Variants in GABRB1 observed in about 807,000 individuals in gnomAD.
GABRB1 encodes gamma-aminobutyric acid type A receptor subunit beta1.
GABRB1 carries 17 observed loss-of-function variants against 51.6 expected under a neutral mutation model. The ratio of observed to expected loss-of-function variants is 0.33; its 90% confidence interval spans 0.23 to 0.49. The LOEUF is 0.49. Ranked by LOEUF, GABRB1 falls within the 20% of genes least tolerant of loss-of-function variation. The pLI, the probability that GABRB1 is intolerant of heterozygous loss-of-function variation, is 0.99. For synonymous variants in GABRB1, 247 were observed against 218.9 expected, an observed-to-expected ratio of 1.13 and a Z score of -1.14; for missense variants, 410 against 600.6, an observed-to-expected ratio of 0.68 and a Z score of 3.32.
intron 3 of GABRB1, among the ~76,000 whole-genome samples, chr4:47,140,769 T>G (rs1247004625): frequency 6.6e-5 from 10 of 151,402 alleles, no homozygotes; most frequent in Non-Finnish European, 1.3e-4. Context: ...TTTTGTTTTT[T>G]TTTTTTCCTA....
intron 1 of GABRB1, among the ~76,000 whole-genome samples, chr4:47,016,405 A>G (rs968937012): frequency 6.6e-5 from 10 of 152,274 alleles, no homozygotes; most frequent in African/African-American, 2.2e-4. Flanking sequence ...TGTAATAAAA[A>G]TTTTTGAAAA....
intron 4 of GABRB1, among the ~76,000 whole-genome samples, chr4:47,178,896 G>A (rs1158330369): frequency 6.6e-6 from 1 of 151,982 alleles, no homozygotes; most frequent in East Asian, 1.9e-4. Context: ...TTCATGTTCT[G>A]TTTTTATCTC....
intron 3 of GABRB1, among the ~76,000 whole-genome samples, chr4:47,099,794 T>G (rs766156112): frequency 6.6e-6 from 1 of 151,256 alleles, no homozygotes; most frequent in Admixed American, 6.6e-5. Context: ...AGACGTACAA[T>G]GTTGTCAATG....
chr4:47,206,227 A>G (rs1299763122), intron 4 of GABRB1, among the ~76,000 whole-genome samples: 1 of 152,050 alleles, frequency 6.6e-6, no homozygotes, highest in Non-Finnish European at 1.5e-5. Flanking sequence ...AATGGAGGTT[A>G]AAATGCTTGT....
rs1717677621 is a variant in GABRB1, at chr4:47,155,928, T to TATATATATATATATAC, written c.241-5306_241-5305insCATATATATATATATA. Among the ~76,000 whole-genome samples, 2 of 92,708 alleles carry TATATATATATATATAC rather than the reference T, an allele frequency of 2.2e-5. 1 individual carries two copies. Among genetic ancestry groups the TATATATATATATATAC allele is most frequent in the Non-Finnish European group, 4.0e-5 (2 of 50,234 alleles). The allele number at this position is 92,708 out of a possible 152,430, so 60.8% of individuals were successfully genotyped here. ...AAAGAGGTATTTTCATATATATATA[T>TATATATATATATATAC]ATATATATATATATATATGAAACCA... On this transcript the variant is annotated intron_variant, in intron 3 of 8. Coordinates refer to ENST00000295454, the MANE Select transcript of GABRB1 (RefSeq NM_000812.4).
rs200428754 is a variant in GABRB1, at chr4:47,161,424, G to A, written c.416G>A (p.Arg139Gln). 59 of 1,612,586 alleles carry A rather than the reference G, an allele frequency of 3.7e-5. No individual in the cohort carries two copies. The highest frequency in any genetic ancestry group is 4.7e-5 in the Non-Finnish European group (55 of 1,179,120). Residue 139 changes from arginine to glutamine, a missense_variant, in exon 4 of 9, where the codon CGA (arginine) becomes CAA (glutamine). Around this residue, in one of 5 missense-constraint regions of GABRB1, gnomAD observed 100 missense variants for 184.3 expected, o/e 0.54. Transcript: ENST00000295454. Reference sequence around the variant, plus strand: ...GTGCATGGGGTCACAGTGAAAAATCGAATGATTCGACTGCATCCTGATGGA... The same window carrying A: ...GTGCATGGGGTCACAGTGAAAAATCAAATGATTCGACTGCATCCTGATGGA... ...SFVHGVTVKN[R>Q]MIRLHPDGTV... is the part of the protein sequence containing the mutation.
intron 1 of GABRB1, among the ~76,000 whole-genome samples, chr4:47,012,719 T>A (rs59535261): frequency 0.48 from 73,677 of 152,052 alleles, 18,005 homozygotes; most frequent in East Asian, 0.53. Context: ...GCTCCTCTCA[T>A]TACATGGCTC....
chr4:47,284,326 A>C (rs1366896071), intron 4 of GABRB1, among the ~76,000 whole-genome samples: 1 of 152,152 alleles, frequency 6.6e-6, no homozygotes, highest in Non-Finnish European at 1.5e-5. Flanking sequence ...ATTGCCCATC[A>C]TGAGAGAAAC....
At chr4:47,318,667 A>G (rs983406138) in intron 4 of GABRB1, among the ~76,000 whole-genome samples, 2 of 152,068 alleles carry the variant, frequency 1.3e-5, no homozygotes, top group African/African-American at 4.8e-5. Context: ...CCCTAACTCT[A>G]CATATCCTAT....
rs555893361 is a variant in GABRB1 at position 47,274,295 on chromosome 4, G to A, written c.462-45832G>A. 2.6e-5 allele frequency among the ~76,000 whole-genome samples: 4 copies of A among 152,138 alleles called. No homozygotes were observed. In the South Asian group the frequency reaches 8.3e-4, roughly 32 times the overall value. Reference sequence around the variant, plus strand: ...CATAAAATGTTTGACATAGTGCCTGGCACACATTTAAAAAGACAATGAATG... The same window carrying A: ...CATAAAATGTTTGACATAGTGCCTGACACACATTTAAAAAGACAATGAATG... On this transcript the variant is annotated intron_variant, in intron 4 of 8. Coordinates refer to ENST00000295454, the MANE Select transcript of GABRB1 (RefSeq NM_000812.4).
chr4:47,263,125 A>T (rs986259646), intron 4 of GABRB1, among the ~76,000 whole-genome samples: 5 of 151,842 alleles, frequency 3.3e-5, no homozygotes, highest in African/African-American at 9.7e-5. Context: ...GCACACTAGC[A>T]GGGCACATGT....
intron 1 of GABRB1, among the ~76,000 whole-genome samples, chr4:47,025,940 G>C (rs574201282): frequency 1.3e-5 from 2 of 151,880 alleles, no homozygotes; most frequent in Non-Finnish European, 2.9e-5. Context: ...CTTTCCACCT[G>C]TTCTAACTCC....
intron 3 of GABRB1, among the ~76,000 whole-genome samples, chr4:47,050,789 T>C (rs1176870048): frequency 1.3e-5 from 2 of 152,200 alleles, no homozygotes; most frequent in Non-Finnish European, 2.9e-5. Flanking sequence ...ACTTCAATCA[T>C]AAATTCAATT....
intron 7 of GABRB1, among the ~76,000 whole-genome samples, chr4:47,405,345 A>C (rs1728531076): frequency 6.6e-6 from 1 of 152,180 alleles, no homozygotes; most frequent in Non-Finnish European, 1.5e-5. Context: ...TTGGAAAATG[A>C]ATGCGAAACT....
At chr4:47,166,737 AT>A (rs1159620063) in intron 4 of GABRB1, among the ~76,000 whole-genome samples, 1 of 152,086 alleles carries the variant, frequency 6.6e-6, no homozygotes, top group Non-Finnish European at 1.5e-5. Flanking sequence ...ATTATTTGTC[AT>A]TTCTCTAAAA....
chr4:47,223,501 CT>C (rs1720841588), intron 4 of GABRB1, among the ~76,000 whole-genome samples: 1 of 152,016 alleles, frequency 6.6e-6, no homozygotes, highest in African/African-American at 2.4e-5. Flanking sequence ...TTTATTTGGG[CT>C]TTTTAAATTC....
chr4:47,318,832 C>G (rs185891742), intron 4 of GABRB1, among the ~76,000 whole-genome samples: 1 of 152,040 alleles, frequency 6.6e-6, no homozygotes, highest in Non-Finnish European at 1.5e-5. Context: ...TAACGGTCCT[C>G]CCCATAAAGT....
intron 5 of GABRB1, among the ~76,000 whole-genome samples, chr4:47,331,799 C>A (rs1010754522): frequency 3.9e-5 from 6 of 152,172 alleles, no homozygotes; most frequent in Non-Finnish European, 8.8e-5. Context: ...AGATTCCCCA[C>A]TGATTTCTCT....
chr4:47,254,514 C>T (rs767142109), intron 4 of GABRB1, among the ~76,000 whole-genome samples: 1 of 151,460 alleles, frequency 6.6e-6, no homozygotes, highest in Admixed American at 6.6e-5. Context: ...TACAGGTGCC[C>T]GCCACCATGC....
Sources: allele counts gnomAD v4.1 joint callset (sites outside exome capture counted in the v4.1 genomes callset), GRCh38; gene constraint gnomAD v4.1.1; regional missense constraint gnomAD v4.1.1; transcripts MANE v1.5; gene names NCBI Gene and HGNC (gene_info 2026-07-23, HGNC 2026-07-21).